The following TMEM63C variants were observed in gnomAD, a reference collection of about 807,000 sequenced individuals.
TMEM63C encodes the protein transmembrane protein 63C, also known as osmosensitive cation channel TMEM63C.
Under a neutral mutation model 99.2 loss-of-function variants are expected in TMEM63C, and 32 were observed. The ratio of observed to expected loss-of-function variants is 0.32; its 90% CI spans 0.24 to 0.43. TMEM63C has a LOEUF of 0.43. Ranked by LOEUF, TMEM63C falls within the 20% of genes least tolerant of loss-of-function variation. TMEM63C has a pLI of 1.00. For synonymous variants in TMEM63C, 376 were observed against 397.9 expected, an observed-to-expected ratio of 0.94 and a Z score of 0.66; for missense variants, 826 against 1,053.0, an observed-to-expected ratio of 0.78 and a Z score of 2.98.
intron 18 of TMEM63C, 69 bp from the exon 19 acceptor site, chr14:77,248,278 C>T: frequency 7.1e-7 from 1 of 1,413,610 alleles, no homozygotes; most frequent in Non-Finnish European, 9.7e-7. Context: ...TCCTCTCTCT[C>T]CTCCCTTTTA....
chr14:77,240,518 C>T lies in TMEM63C; in HGVS notation c.974C>T (p.Thr325Met), dbSNP rs763270698. ...QYYSELEEQL[T>M]DEFNAELNRV... ...TACAGCGAGCTAGAGGAGCAGCTAA[C>T]GGACGAGTTCAACGCCGAGCTCAAC... The change falls in exon 13 of 24, where the codon ACG (threonine) becomes ATG (methionine). Residue 325 changes from threonine (T) to methionine (M), a missense_variant. Physicochemically the swap from Thr to Met is moderately conservative, Grantham distance 81. Coordinates refer to ENST00000298351, the MANE Select transcript of TMEM63C (RefSeq NM_020431.4). 1.2e-6 allele frequency: 2 copies of T among 1,611,908 alleles called. No individual in the cohort carries two copies. Among genetic ancestry groups the T allele is most frequent in the South Asian group, 1.1e-5 (1 of 91,072 alleles).
intron 6 of TMEM63C, among the ~76,000 whole-genome samples, chr14:77,229,263 A>G (rs7141445): frequency 0.82 from 124,761 of 151,256 alleles, 51,627 homozygotes; most frequent in African/African-American, 0.9. Context: ...AATTTGGCTG[A>G]GTACACACCT....
In TMEM63C at chr14:77,242,422, A is replaced by G; in HGVS notation, c.1140A>G (p.Ser380=). ...CCTCAGTGACCACCATCGTCAAATC[A>G]TATTACTGGAGGGTCACTATGGCCC... is the stretch of plus-strand genomic sequence containing the variant. The part of the protein sequence containing the change: ...QQSSVTTIVK[S]YYWRVTMAPH... Residue 380 remains serine (S), a synonymous_variant, in exon 14 of 24, where the codon TCA becomes TCG. Coordinates refer to ENST00000298351, the MANE Select transcript of TMEM63C (RefSeq NM_020431.4). 6.2e-7 allele frequency: 1 copy of G among 1,613,720 alleles called. No homozygotes were observed. Among genetic ancestry groups the G allele is most frequent in the Non-Finnish European group, 8.5e-7 (1 of 1,179,852 alleles).
intron 8 of TMEM63C, among the ~76,000 whole-genome samples, 172 bp from the exon 9 acceptor site, chr14:77,236,441 GTGGGGGATACT>G (rs1889062419): frequency 2.1e-5 from 1 of 47,572 alleles, no homozygotes. Flanking sequence ...ATGGGTGGGG[GTGGGGGATACT>G]GTAATGGGTT....
Position 77,236,635 on chromosome 14 carries a change from T to C in TMEM63C, c.554T>C (p.Leu185Pro), listed in dbSNP as rs748110746. 1 of 1,612,140 alleles carries C rather than the reference T, an allele frequency of 6.2e-7. No homozygotes were observed. The highest frequency in any genetic ancestry group is 1.7e-5 in the Admixed American group (1 of 59,954). ...CTCCCTCCCTGCAGGAGCAAGCTCC[T>C]GTGGCTGCATAGCCTGCTGTCCTTC... ...IVNVSTESKL[L>P]WLHSLLSFFY... The change falls in exon 9 of 24, where the codon CTG becomes CCG. Residue 185 changes from leucine (L) to proline (P), a missense_variant. By Grantham distance (98) the Leu-to-Pro change is moderately conservative. Transcript: ENST00000298351.
intron 1 of TMEM63C, among the ~76,000 whole-genome samples, chr14:77,186,830 TCTGTGTG>T (rs1321636534): frequency 6.6e-6 from 1 of 151,934 alleles, no homozygotes; most frequent in Non-Finnish European, 1.5e-5. Flanking sequence ...TCTGTGTGTG[TCTGTGTG>T]GTGTGGGCAG....
chr14:77,248,647 C>T lies in TMEM63C; in HGVS notation c.1765-120C>T, dbSNP rs1889306458. On this transcript the variant is annotated intron_variant, in intron 19 of 23. Transcript: ENST00000298351. Reference sequence around the variant, plus strand: ...GGTGTTGGTGGGGCACCTTGGTCTACAGGGTTGGAAAGGAGGCTGCCTCCA... The same window carrying T: ...GGTGTTGGTGGGGCACCTTGGTCTATAGGGTTGGAAAGGAGGCTGCCTCCA... 3 of 1,494,842 alleles carry T rather than the reference C, an allele frequency of 2.0e-6. No homozygotes were observed. The African/African-American group carries it at 4.1e-5, about 21-fold the overall frequency. The allele number at this position is 1,494,842 out of a possible 1,614,324, so 92.6% of individuals were successfully genotyped here.
At chr14:77,249,916 C>T (rs1889328740) in intron 21 of TMEM63C, among the ~76,000 whole-genome samples, 1 of 152,192 alleles carries the variant, frequency 6.6e-6, no homozygotes, top group Non-Finnish European at 1.5e-5. Flanking sequence ...CTCACTACAG[C>T]TTTGACCTCC....
chr14:77,243,592 G>A (rs565694706), intron 15 of TMEM63C, among the ~76,000 whole-genome samples: 1 of 152,248 alleles, frequency 6.6e-6, no homozygotes, highest in Admixed American at 6.5e-5. Flanking sequence ...GGAGCCCTCA[G>A]CCCTGGAGGA....
chr14:77,249,553 G>C, intron 21 of TMEM63C, 95 bp downstream of exon 21: 1 of 1,428,490 alleles, frequency 7.0e-7, no homozygotes, highest in Non-Finnish European at 9.5e-7. Context: ...AAAAGCCCAG[G>C]CAGGGCAAGA....
At chr14:77,183,840 G>A (rs1887952530) in intron 1 of TMEM63C, among the ~76,000 whole-genome samples, 1 of 152,112 alleles carries the variant, frequency 6.6e-6, no homozygotes, top group African/African-American at 2.4e-5. Context: ...AGCTGCTTGT[G>A]GGGTGACAAT....
intron 22 of TMEM63C, among the ~76,000 whole-genome samples, 186 bp downstream of exon 22, chr14:77,252,084 C>G (rs982286424): frequency 6.8e-6 from 1 of 147,336 alleles, no homozygotes; most frequent in Non-Finnish European, 1.5e-5. Context: ...TGCGTGCATG[C>G]GTGCATGCCT....
intron 18 of TMEM63C, 44 bp from the exon 19 acceptor site, chr14:77,248,303 C>T: frequency 6.5e-7 from 1 of 1,548,178 alleles, no homozygotes. Flanking sequence ...CTCTCCCTCT[C>T]CCTGTGGCTT....
At chr14:77,229,359 G>A (rs879918982) in intron 6 of TMEM63C, among the ~76,000 whole-genome samples, 2 of 151,940 alleles carry the variant, frequency 1.3e-5, no homozygotes, top group Admixed American at 6.6e-5. Flanking sequence ...ATCATGTCAC[G>A]CACTCCAGCC....
intron 1 of TMEM63C, among the ~76,000 whole-genome samples, chr14:77,199,945 C>T (rs934266606): frequency 2.6e-5 from 4 of 152,250 alleles, no homozygotes; most frequent in South Asian, 2.1e-4. Context: ...CGGTGAAGGA[C>T]GAGGAGAGAG....
chr14:77,186,209 C>T (rs539056915), intron 1 of TMEM63C, among the ~76,000 whole-genome samples: 4 of 152,174 alleles, frequency 2.6e-5, no homozygotes, highest in South Asian at 2.1e-4. Flanking sequence ...GACAGGGTTT[C>T]GCCATGTTGG....
intron 21 of TMEM63C, among the ~76,000 whole-genome samples, chr14:77,251,172 TAGTC>T (rs1334497023): frequency 3.9e-5 from 6 of 152,248 alleles, no homozygotes; most frequent in Non-Finnish European, 8.8e-5. Context: ...CTACCAGTTT[TAGTC>T]AGTTCTCCGT....
At chr14:77,220,162 C>A (rs908385849) in intron 5 of TMEM63C, 75 bp downstream of exon 5, 2 of 1,393,976 alleles carry the variant, frequency 1.4e-6, no homozygotes, top group Admixed American at 2.0e-5. Flanking sequence ...CAGGAAGAAA[C>A]ACGGCTTAGA....
Position 77,220,856 on chromosome 14 carries a change from T to TCACTCATGCCCCGCCTCC in TMEM63C, c.312+775_312+776insTGCCCCGCCTCCCACTCA, listed in dbSNP as rs1594858011. Among the ~76,000 whole-genome samples, 14 of 83,692 alleles carry TCACTCATGCCCCGCCTCC rather than the reference T, an allele frequency of 1.7e-4. 2 individuals carry two copies. In the East Asian group the frequency reaches 6.1e-3, roughly 37 times the overall value. 54.9% of individuals were successfully genotyped at this position (83,692 alleles called of 152,430 possible). A position where few individuals can be genotyped will look rare whatever the true frequency, so the allele number is the denominator to read the frequency against. On this transcript the variant is annotated intron_variant, in intron 5 of 23. Transcript: ENST00000298351. ...GCTGCTGTCACCACTTCCTCACCTCTCACTCACGCCCCGCCTCCCACTCAC... is the reference window on the plus strand; with the variant it reads ...GCTGCTGTCACCACTTCCTCACCTCTCACTCATGCCCCGCCTCCCACTCACGCCCCGCCTCCCACTCAC...
Sources: allele counts gnomAD v4.1 joint callset (sites outside exome capture counted in the v4.1 genomes callset), GRCh38; gene constraint gnomAD v4.1.1; transcripts MANE v1.5; gene names NCBI Gene and HGNC (gene_info 2026-07-23, HGNC 2026-07-21).